TASP1: variants seen among roughly 807,000 people sequenced by gnomAD.
TASP1 encodes taspase 1, also known as threonine aspartase 1.
A neutral mutation model predicts 56.6 loss-of-function variants in TASP1; 16 were observed. That is an observed-to-expected ratio of 0.28 (90% CI 0.19 to 0.43). The LOEUF is 0.43. Among genes scored for constraint, TASP1 ranks in the 20% least tolerant of loss-of-function variants. The probability of loss-of-function intolerance (pLI) is 1.00; values close to 1 mark genes in which losing one functional copy is unlikely to be tolerated. For synonymous variants in TASP1, 179 were observed against 184.2 expected, an observed-to-expected ratio of 0.97 and a Z score of 0.23; for missense variants, 393 against 511.6, an observed-to-expected ratio of 0.77 and a Z score of 2.24.
intron 5 of TASP1, among the ~76,000 whole-genome samples, chr20:13,583,301 A>G (rs2047189135): frequency 6.6e-6 from 1 of 152,172 alleles, no homozygotes; most frequent in South Asian, 2.1e-4. Flanking sequence ...TCCTACTCAC[A>G]CAATGACTGT....
chr20:13,569,372 G>A (rs945580417), intron 7 of TASP1, 135 bp downstream of exon 7: 3 of 593,380 alleles, frequency 5.1e-6, no homozygotes. Flanking sequence ...TTTCTACGTA[G>A]CTTTTAACTA....
chr20:13,457,372 G>A lies in TASP1; in HGVS notation c.986-22218C>T, dbSNP rs114456169. 4.8e-3 allele frequency among the ~76,000 whole-genome samples: 737 copies of A among 152,168 alleles called. 6 individuals are homozygous for A. Among genetic ancestry groups the A allele is most frequent in the African/African-American group, 0.017 (711 of 41,540 alleles). ...GTAAAAAGCAGGATGGTATATATAC[G>A]ATAGGATGGCTTTAGGGAAGTCTAA... On this transcript the variant is annotated intron_variant, in intron 11 of 13. Transcript: ENST00000337743.
the TASP1 span, chr20:13,153,904 G>A: frequency 5.4e-6 from 8 of 1,485,578 alleles, no homozygotes; most frequent in Middle Eastern, 9.3e-4. Flanking sequence ...TAGTGCTGCT[G>A]GCCTGCAGAA....
intron 4 of TASP1, among the ~76,000 whole-genome samples, chr20:13,597,886 T>C (rs1001670949): frequency 6.6e-6 from 1 of 152,016 alleles, no homozygotes; most frequent in Non-Finnish European, 1.5e-5. Flanking sequence ...TATACACCAA[T>C]AACAGACAAA....
At chr20:13,579,357 G>A (rs1162855506) in intron 6 of TASP1, among the ~76,000 whole-genome samples, 1 of 152,042 alleles carries the variant, frequency 6.6e-6, no homozygotes, top group Non-Finnish European at 1.5e-5. Flanking sequence ...AATCATTAGA[G>A]AAGCAAGTGT....
chr20:13,552,523 G>A (rs2046012982), intron 8 of TASP1, among the ~76,000 whole-genome samples: 1 of 152,282 alleles, frequency 6.6e-6, no homozygotes, highest in East Asian at 1.9e-4. Context: ...ACAGACAGAG[G>A]AACTTACTAA....
At chr20:13,221,708 C>T in the TASP1 span, 15 of 1,286,832 alleles carry the variant, frequency 1.2e-5, no homozygotes, top group East Asian at 3.6e-4. Context: ...TCCTACTCCT[C>T]CTCCCCCGGC....
chr20:13,594,341 G>A (rs562220314), intron 4 of TASP1, among the ~76,000 whole-genome samples: 9 of 152,280 alleles, frequency 5.9e-5, no homozygotes, highest in South Asian at 4.1e-4. Context: ...ACAGCTCTTC[G>A]CCAGCAATGG....
intron 4 of TASP1, among the ~76,000 whole-genome samples, chr20:13,611,000 G>A (rs946231157): frequency 5.3e-5 from 8 of 152,094 alleles, no homozygotes; most frequent in East Asian, 3.8e-4. Context: ...AACCACTCTG[G>A]GGCTAGGATT....
the TASP1 span, chr20:13,154,229 A>G: frequency 1.3e-6 from 2 of 1,520,250 alleles, no homozygotes; most frequent in Non-Finnish European, 1.8e-6. Flanking sequence ...TGCATCTGGA[A>G]TGGGGTGAGT....
At chr20:13,521,327 A>G (rs943118225) in intron 10 of TASP1, among the ~76,000 whole-genome samples, 1 of 152,220 alleles carries the variant, frequency 6.6e-6, no homozygotes, top group Non-Finnish European at 1.5e-5. Flanking sequence ...ATGCACACGT[A>G]TGTTTACTGT....
chr20:13,312,007 C>G, the TASP1 span, among the ~76,000 whole-genome samples: 2 of 152,226 alleles, frequency 1.3e-5, no homozygotes, highest in East Asian at 1.9e-4. Context: ...ATACACATAT[C>G]AAAACATCAC....
At chr20:13,392,674 C>T in intron 13 of TASP1, 1 of 504,960 alleles carries the variant, frequency 2.0e-6, no homozygotes, top group East Asian at 4.7e-5. Flanking sequence ...TAGCCACATC[C>T]CTGGTGAAGG....
chr20:13,247,517 G>GGTGTGTGTGTGTGT, the TASP1 span, among the ~76,000 whole-genome samples: 3 of 139,912 alleles, frequency 2.1e-5, no homozygotes, highest in South Asian at 2.3e-4. Flanking sequence ...CAAAGTGAGG[G>GGTGTGTGTGTGTGT]GTGTGTGTGT....
the TASP1 span, among the ~76,000 whole-genome samples, chr20:13,179,970 C>T: frequency 6.6e-6 from 1 of 152,166 alleles, no homozygotes; most frequent in Non-Finnish European, 1.5e-5. Flanking sequence ...TCTATGGACA[C>T]AGCGTTGGCC....
the TASP1 span, among the ~76,000 whole-genome samples, chr20:13,142,919 T>G: frequency 6.6e-6 from 1 of 152,206 alleles, no homozygotes; most frequent in Non-Finnish European, 1.5e-5. Flanking sequence ...TCTCTCTCTC[T>G]CTTTGAATCT....
chr20:13,358,511 C>G, the TASP1 span, among the ~76,000 whole-genome samples: 11 of 152,324 alleles, frequency 7.2e-5, no homozygotes, highest in African/African-American at 2.4e-4. Flanking sequence ...CTTCTCCAAC[C>G]TCTCTCACTG....
At chr20:13,231,978 A>C in the TASP1 span, among the ~76,000 whole-genome samples, 1 of 152,190 alleles carries the variant, frequency 6.6e-6, no homozygotes, top group Admixed American at 6.5e-5. Flanking sequence ...GAATGCAGAG[A>C]AGGTGGAAAT....
At chr20:13,315,498 T>C in the TASP1 span, among the ~76,000 whole-genome samples, 1 of 146,448 alleles carries the variant, frequency 6.8e-6, no homozygotes, top group Non-Finnish European at 1.5e-5. Context: ...CAATCCTTAA[T>C]ATGTATTCAC....
Sources: gnomAD v4.1 joint callset for allele counts (sites outside exome capture counted in the v4.1 genomes callset) on GRCh38, gnomAD v4.1.1 for gene constraint, MANE v1.5 for transcripts, NCBI Gene and HGNC (gene_info 2026-07-23, HGNC 2026-07-21) for gene names.